ELL: variants seen among roughly 807,000 people sequenced by gnomAD.
ELL encodes elongation factor for RNA polymerase II.
ELL carries 18 observed loss-of-function variants against 64.0 expected under a neutral mutation model. That is an observed-to-expected ratio of 0.28 (90% confidence interval 0.19 to 0.42). The LOEUF (loss-of-function observed/expected upper bound fraction) is 0.42. Among genes scored for constraint, ELL ranks in the 10% least tolerant of loss-of-function variants. ELL has a pLI of 1.00. For synonymous variants in ELL, 399 were observed against 376.2 expected, an observed-to-expected ratio of 1.06 and a Z score of -0.70; for missense variants, 797 against 870.4, an observed-to-expected ratio of 0.92 and a Z score of 1.06.
At chr19:18,519,208 G>C (rs946625290) in intron 1 of ELL, among the ~76,000 whole-genome samples, 39 of 147,682 alleles carry the variant, frequency 2.6e-4, no homozygotes, top group African/African-American at 9.5e-4. Flanking sequence ...CTCCAGCCTG[G>C]ACAACAGAGC....
At chr19:18,476,020 G>A (rs148140604) in intron 1 of ELL, 1,893 of 152,478 alleles carry the variant, frequency 0.012, 20 homozygotes, top group South Asian at 0.023. Context: ...AGAACCACAC[G>A]GAGCAAAGGA....
At chr19:18,499,741 C>A (rs1975741343) in intron 1 of ELL, among the ~76,000 whole-genome samples, 1 of 152,104 alleles carries the variant, frequency 6.6e-6, no homozygotes, top group African/African-American at 2.4e-5. Context: ...GACAGAGGAA[C>A]AGAGGGGCAC....
chr19:18,473,175 G>A (rs1020103767), intron 1 of ELL: 8 of 653,302 alleles, frequency 1.2e-5, no homozygotes, highest in Admixed American at 6.2e-5. Flanking sequence ...ATGCAGGGGC[G>A]GGGAGTGTGC....
intron 1 of ELL, among the ~76,000 whole-genome samples, chr19:18,509,587 G>A (rs1279209427): frequency 1.8e-5 from 2 of 112,844 alleles, no homozygotes; most frequent in African/African-American, 8.5e-5. Context: ...GCACGTGCGC[G>A]CGCGCGCACA....
intron 3 of ELL, 52 bp from the exon 4 acceptor site, chr19:18,465,627 G>A (rs755227177): frequency 1.3e-6 from 2 of 1,511,834 alleles, no homozygotes; most frequent in Middle Eastern, 1.8e-4. Flanking sequence ...ATGCAGGGAG[G>A]ATCCGTTGAG....
At chr19:18,477,766 G>A (rs1975209694) in intron 1 of ELL, among the ~76,000 whole-genome samples, 1 of 152,240 alleles carries the variant, frequency 6.6e-6, no homozygotes, top group African/African-American at 2.4e-5. Context: ...AAGTTCTTCA[G>A]AAGGAGGGAG....
At chr19:18,497,042 T>C (rs1403145458) in intron 1 of ELL, among the ~76,000 whole-genome samples, 1 of 152,200 alleles carries the variant, frequency 6.6e-6, no homozygotes, top group Admixed American at 6.5e-5. Flanking sequence ...CACGCCTTGG[T>C]ATTTGCCCAG....
At chr19:18,512,467 A>C (rs1976045390) in intron 1 of ELL, among the ~76,000 whole-genome samples, 1 of 151,930 alleles carries the variant, frequency 6.6e-6, no homozygotes, top group South Asian at 2.1e-4. Flanking sequence ...GTGAAACCCC[A>C]TCTCTACAAA....
chr19:18,462,179 A>AGTGTGTGTGTGTGTGTGTGT (rs758119031), intron 4 of ELL, among the ~76,000 whole-genome samples: 1 of 120,042 alleles, frequency 8.3e-6, no homozygotes, highest in African/African-American at 3.5e-5. Flanking sequence ...TCTGGTGGGC[A>AGTGTGTGTGTGTGTGTGTGT]GTGTGTGTGT....
In ELL at chr19:18,476,430, T is replaced by A. The variant is rs190151645; in HGVS notation, c.136-3548A>T. Among the ~76,000 whole-genome samples the A allele has an allele frequency of 8.7e-3, 1,327 of 152,276 alleles. 24 individuals are homozygous for A. The highest frequency in any genetic ancestry group is 0.03 in the African/African-American group (1,253 of 41,548). The stretch of plus-strand genomic sequence containing the variant: ...GGAACTGTGCCAGGGCAGCCCCAGC[T>A]GTGCAAGGCTGAGGGTGACAGGCCT... On this transcript the variant is annotated intron_variant, in intron 1 of 11. Transcript: ENST00000262809.
At chr19:18,509,812 C>T (rs1043953774) in intron 1 of ELL, among the ~76,000 whole-genome samples, 1 of 152,172 alleles carries the variant, frequency 6.6e-6, no homozygotes, top group Non-Finnish European at 1.5e-5. Context: ...CTGGACCCCC[C>T]CGCCCAGCCA....
chr19:18,459,091 G>A (rs1404609225), intron 5 of ELL, among the ~76,000 whole-genome samples: 1 of 152,072 alleles, frequency 6.6e-6, no homozygotes, highest in Admixed American at 6.5e-5. Context: ...TTTTGCATAG[G>A]CTGGTCTCGA....
rs1487385914 is a variant in ELL at position 18,473,190 on chromosome 19, C to G, written c.136-308G>C. On this transcript the variant is annotated intron_variant, in intron 1 of 11. Transcript: ENST00000262809. The stretch of plus-strand genomic sequence containing the variant: ...ATGCAGGGGCGGGGAGTGTGCCATC[C>G]TTGGAAAGCCACCACCAGCCTGTGA... 4.7e-6 allele frequency: 3 copies of G among 634,276 alleles called. No individual in the cohort carries two copies. In the Admixed American group the frequency reaches 6.3e-5, roughly 13 times the overall value. The allele number at this position is 634,276 out of a possible 1,614,324, so 39.3% of individuals were successfully genotyped here.
At chr19:18,509,595 A>ACG (rs1975967675) in intron 1 of ELL, among the ~76,000 whole-genome samples, 2 of 38,192 alleles carry the variant, frequency 5.2e-5, no homozygotes, top group Non-Finnish European at 9.4e-5. Context: ...GCGCGCGCGC[A>ACG]CATACACACA....
intron 5 of ELL, among the ~76,000 whole-genome samples, chr19:18,458,850 C>A: frequency 6.6e-6 from 1 of 152,044 alleles, no homozygotes; most frequent in Non-Finnish European, 1.5e-5. Flanking sequence ...TTGTCTTGAA[C>A]CCCTGGGCTC....
rs1600415176 is a variant in ELL at position 18,444,405 on chromosome 19, A to G, written c.*347T>C. On this transcript the variant is annotated 3_prime_UTR_variant, in exon 12 of 12. Transcript: ENST00000262809. Reference sequence around the variant, plus strand: ...GACTCAAGTCTCATTAGCAGTAGCTAAAAGTGGCTGTCTTTGTATAAAACT... The same window carrying G: ...GACTCAAGTCTCATTAGCAGTAGCTGAAAGTGGCTGTCTTTGTATAAAACT... 1 of 282,342 alleles carries G rather than the reference A, an allele frequency of 3.5e-6. No individual in the cohort carries two copies. Among genetic ancestry groups the G allele is most frequent in the Non-Finnish European group, 6.7e-6 (1 of 149,218 alleles). The allele number at this position is 282,342 out of a possible 1,614,324, so 17.5% of individuals were successfully genotyped here.
At chr19:18,520,524 A>T (rs551801682) in intron 1 of ELL, among the ~76,000 whole-genome samples, 9 of 152,204 alleles carry the variant, frequency 5.9e-5, no homozygotes, top group African/African-American at 2.2e-4. Flanking sequence ...GAAAACTGCG[A>T]CACCGGGACA....
At chr19:18,487,746 T>A (rs554988260) in intron 1 of ELL, among the ~76,000 whole-genome samples, 15 of 152,368 alleles carry the variant, frequency 9.8e-5, no homozygotes, top group African/African-American at 3.4e-4. Context: ...CTCATCCTCC[T>A]GAAAGTTGAG....
intron 1 of ELL, among the ~76,000 whole-genome samples, chr19:18,516,937 A>G (rs938558574): frequency 7.9e-5 from 12 of 152,246 alleles, no homozygotes; most frequent in Middle Eastern, 6.8e-3. Flanking sequence ...AGAGGCTCTA[A>G]TCCCCAGGCC....
Sources: gnomAD v4.1 joint callset for allele counts (sites outside exome capture counted in the v4.1 genomes callset) on GRCh38, gnomAD v4.1.1 for gene constraint, MANE v1.5 for transcripts, NCBI Gene and HGNC (gene_info 2026-07-23, HGNC 2026-07-21) for gene names.